PTPRA: variants seen among roughly 807,000 people sequenced by gnomAD.
PTPRA encodes the protein receptor-type tyrosine-protein phosphatase alpha.
A neutral mutation model predicts 104.8 loss-of-function variants in PTPRA; 25 were observed. The observed-to-expected ratio is 0.24, with a 90% CI of 0.17 to 0.33. The LOEUF is 0.33. Among genes scored for constraint, PTPRA ranks in the 10% least tolerant of loss-of-function variants. The probability of loss-of-function intolerance (pLI) is 1.00; values close to 1 mark genes in which losing one functional copy is unlikely to be tolerated. For missense variants in PTPRA, 765 were observed against 1,015.3 expected, an observed-to-expected ratio of 0.75 and a Z score of 3.35; for synonymous variants, 323 against 368.9, an observed-to-expected ratio of 0.88 and a Z score of 1.43.
At chr20:2,941,485 C>G (rs968133852) in intron 2 of PTPRA, among the ~76,000 whole-genome samples, 1 of 152,216 alleles carries the variant, frequency 6.6e-6, no homozygotes, top group Non-Finnish European at 1.5e-5. Flanking sequence ...CCTTGTAACA[C>G]TTTTGTGTCT....
At chr20:3,020,088 G>GGGGAGA (rs963662979) in intron 13 of PTPRA, among the ~76,000 whole-genome samples, 38 of 152,156 alleles carry the variant, frequency 2.5e-4, no homozygotes, top group Admixed American at 2.3e-3. Context: ...GGGAGACCGT[G>GGGGAGA]GGGAGAGGGA....
intron 9 of PTPRA, among the ~76,000 whole-genome samples, chr20:2,991,544 T>G (rs920619582): frequency 6.6e-6 from 1 of 152,220 alleles, no homozygotes. Flanking sequence ...TTCTTTTCTT[T>G]TTCCATAACA....
Position 3,038,226 on chromosome 20 carries a change from A to ATAAC in PTPRA, c.*95_*98dup. On this transcript the variant is annotated 3_prime_UTR_variant, in exon 24 of 24. Coordinates refer to ENST00000399903, the MANE Select transcript of PTPRA (RefSeq NM_001385305.1). ...ATACCCCAAATTGTGTATATATCTT[A>ATAAC]TAACTGTTTTAGAAATTGGTACATA... 1.6e-6 allele frequency: 2 copies of ATAAC among 1,261,904 alleles called. No homozygotes were observed. Among genetic ancestry groups the ATAAC allele is most frequent in the Non-Finnish European group, 2.3e-6 (2 of 883,984 alleles). The allele number at this position is 1,261,904 out of a possible 1,614,324, so 78.2% of individuals were successfully genotyped here.
chr20:2,940,038 A>T (rs1381046076), intron 2 of PTPRA, among the ~76,000 whole-genome samples: 2 of 152,256 alleles, frequency 1.3e-5, no homozygotes, highest in Non-Finnish European at 2.9e-5. Flanking sequence ...TGAACCCAGG[A>T]GGTGGAGGTT....
intron 19 of PTPRA, 137 bp downstream of exon 19, chr20:3,027,334 C>A: frequency 2.3e-6 from 2 of 882,906 alleles, no homozygotes; most frequent in Non-Finnish European, 3.6e-6. Flanking sequence ...TACTCACCCA[C>A]CCACTCACCC....
chr20:2,926,769 C>CTTTTTTTTTTTTTTTTTTTTT (rs777386962), intron 2 of PTPRA, among the ~76,000 whole-genome samples: 133 of 85,038 alleles, frequency 1.6e-3, no homozygotes, highest in East Asian at 2.2e-3. Flanking sequence ...TTTCCTTTTC[C>CTTTTTTTTTTTTTTTTTTTTT]TTTTTTTTTT....
chr20:3,011,862 A>G (rs971670843), intron 11 of PTPRA, among the ~76,000 whole-genome samples: 5 of 152,362 alleles, frequency 3.3e-5, no homozygotes, highest in South Asian at 4.1e-4. Context: ...CTATAGATCT[A>G]TGCAGCATGT....
intron 1 of PTPRA, among the ~76,000 whole-genome samples, chr20:2,922,151 A>T (rs1251719193): frequency 4.6e-5 from 7 of 152,280 alleles, no homozygotes; most frequent in African/African-American, 1.7e-4. Flanking sequence ...AAGTTTTGGG[A>T]CAGGGAGGAG....
chr20:3,035,470 A>T lies in PTPRA; in HGVS notation c.1921-115A>T, dbSNP rs931080528. The T allele has an allele frequency of 1.6e-6, 2 of 1,238,764 alleles. No individual in the cohort carries two copies. Among genetic ancestry groups the T allele is most frequent in the Admixed American group, 2.3e-5 (1 of 43,302 alleles). 76.7% of individuals were successfully genotyped at this position (1,238,764 alleles called of 1,614,324 possible). A position where few individuals can be genotyped will look rare whatever the true frequency, so the allele number is the denominator to read the frequency against. On this transcript the variant is annotated intron_variant, in intron 20 of 23. Transcript: ENST00000399903. The surrounding 1 kb of genome is among the most constrained non-coding windows in gnomAD (Gnocchi z 5.8). ...GCAAGTTTTCAATACCTTGGGGACG[A>T]AGCGTATCAGCGTAAGAGGTGGCTG...
At chr20:2,986,303 T>G (rs1201752504) in intron 6 of PTPRA, among the ~76,000 whole-genome samples, 1 of 152,238 alleles carries the variant, frequency 6.6e-6, no homozygotes, top group African/African-American at 2.4e-5. Context: ...TCTCCCATCT[T>G]CCTCTAGATG....
chr20:2,900,636 A>ACT (rs1256381059), intron 1 of PTPRA, among the ~76,000 whole-genome samples: 3 of 151,864 alleles, frequency 2.0e-5, no homozygotes, highest in Admixed American at 2.0e-4. Flanking sequence ...CGGGTGGATC[A>ACT]CCTGAGGTCA....
intron 2 of PTPRA, among the ~76,000 whole-genome samples, chr20:2,927,607 C>T (rs2060349168): frequency 1.3e-5 from 2 of 152,328 alleles, no homozygotes. Context: ...AGGCTGTCTA[C>T]ACAGTCATAT....
At chr20:2,864,279 C>G in the PTPRA span, 2 of 1,614,186 alleles carry the variant, frequency 1.2e-6, no homozygotes, top group Non-Finnish European at 1.7e-6. This position sits in a 1 kb window ranked among gnomAD's most constrained non-coding sequence, Gnocchi z 5.2. Context: ...AGCGGGGACA[C>G]TGACCTGGGT....
chr20:2,890,579 CATT>C (rs1464818290), intron 1 of PTPRA, among the ~76,000 whole-genome samples: 1 of 152,150 alleles, frequency 6.6e-6, no homozygotes, highest in African/African-American at 2.4e-5. Context: ...CACAGTGTAG[CATT>C]ATTTGAATTA....
chr20:2,879,635 G>A (rs528352750), intron 1 of PTPRA, among the ~76,000 whole-genome samples: 4 of 152,300 alleles, frequency 2.6e-5, no homozygotes, highest in Non-Finnish European at 5.9e-5. Flanking sequence ...GTCATGCACA[G>A]TATAACGATG....
In PTPRA at chr20:2,873,787, G is replaced by C. The variant is rs993136564; in HGVS notation, c.-129+27G>C. 6.6e-6 allele frequency: 1 copy of C among 152,156 alleles called. No individual in the cohort carries two copies. The highest frequency in any genetic ancestry group is 1.9e-4 in the East Asian group (1 of 5,168). The allele number at this position is 152,156 out of a possible 1,614,324, so 9.4% of individuals were successfully genotyped here. ...TGAGTGTTCGCGGCCGCTGCGCCCG[G>C]GTGGGCTCCGGAAGGGGGAGCGGCT... On this transcript the variant is annotated intron_variant, in intron 1 of 23. Transcript: ENST00000399903. The surrounding 1 kb of genome is among the most constrained non-coding windows in gnomAD (Gnocchi z 4.4).
chr20:3,032,723 G>A (rs373942772), intron 20 of PTPRA, among the ~76,000 whole-genome samples: 29 of 149,278 alleles, frequency 1.9e-4, no homozygotes, highest in South Asian at 1.5e-3. Flanking sequence ...CCAAGATCGC[G>A]CCACTGCATT....
intron 1 of PTPRA, among the ~76,000 whole-genome samples, chr20:2,886,471 A>G (rs1165815954): frequency 6.6e-6 from 1 of 152,182 alleles, no homozygotes; most frequent in East Asian, 1.9e-4. Context: ...TATATGTTTG[A>G]GAATTCCCAT....
intron 1 of PTPRA, among the ~76,000 whole-genome samples, chr20:2,891,824 A>G (rs2058802727): frequency 6.6e-6 from 1 of 152,180 alleles, no homozygotes; most frequent in South Asian, 2.1e-4. Flanking sequence ...TAACCTATGC[A>G]CATCCTCCTG....
Sources: gnomAD v4.1 joint callset for allele counts (sites outside exome capture counted in the v4.1 genomes callset) on GRCh38, gnomAD v4.1.1 for gene constraint, Gnocchi (gnomAD v3.1) non-coding constraint, MANE v1.5 for transcripts, NCBI Gene and HGNC (gene_info 2026-07-23, HGNC 2026-07-21) for gene names.